PRKAA1: variants seen among roughly 807,000 people sequenced by gnomAD.
PRKAA1 encodes the protein 5'-AMP-activated protein kinase catalytic subunit alpha-1.
PRKAA1 carries 23 observed loss-of-function variants against 56.9 expected under a neutral mutation model. The ratio of observed to expected loss-of-function variants is 0.40; its 90% CI spans 0.29 to 0.57. The LOEUF is 0.57. Among genes scored for constraint, PRKAA1 ranks in the 20% least tolerant of loss-of-function variants. The pLI is 0.39. For synonymous variants in PRKAA1, 226 were observed against 227.0 expected, an observed-to-expected ratio of 1.00 and a Z score of 0.04; for missense variants, 413 against 679.7, an observed-to-expected ratio of 0.61 and a Z score of 4.36.
At chr5:40,788,903 A>G (rs1744605908) in intron 1 of PRKAA1, among the ~76,000 whole-genome samples, 1 of 152,080 alleles carries the variant, frequency 6.6e-6, no homozygotes, top group South Asian at 2.1e-4. Flanking sequence ...TTTACAAATC[A>G]TGCATCAGAT....
chr5:40,794,152 C>CT (rs944702164), intron 1 of PRKAA1, among the ~76,000 whole-genome samples: 46 of 151,558 alleles, frequency 3.0e-4, no homozygotes, highest in African/African-American at 1.1e-3. Context: ...TAAAATCTAT[C>CT]TACTGCTTTT....
chr5:40,777,211 C>G (rs1744050554), intron 2 of PRKAA1: 2 of 300,944 alleles, frequency 6.6e-6, no homozygotes, highest in African/African-American at 4.4e-5. Flanking sequence ...CAGGGTTTCA[C>G]CATGTTGGCC....
chr5:40,786,627 A>G (rs1744497269), intron 1 of PRKAA1, among the ~76,000 whole-genome samples: 1 of 151,560 alleles, frequency 6.6e-6, no homozygotes, highest in East Asian at 1.9e-4. Context: ...TACAATCTGA[A>G]GAAGAAAAAA....
intron 1 of PRKAA1, among the ~76,000 whole-genome samples, chr5:40,795,006 T>TACACACACACAC (rs1468122343): frequency 7.0e-4 from 98 of 139,944 alleles, no homozygotes; most frequent in African/African-American, 2.6e-3. Flanking sequence ...TATACATATA[T>TACACACACACAC]ATACACACAC....
In PRKAA1 at chr5:40,764,562, A is replaced by G. The variant is rs1350147490; in HGVS notation, c.1387T>C (p.Tyr463His). ...AGATAAGTTCTACTATCCACTTGGTATAACTGTAGACTCATTTTGGAGTAA... is the reference window on the plus strand; with the variant it reads ...AGATAAGTTCTACTATCCACTTGGTGTAACTGTAGACTCATTTTGGAGTAA... ...STYSKMSLQL[Y>H]QVDSRTYLLD... Residue 463 changes from tyrosine (Y) to histidine (H), a missense_variant, in exon 8 of 9, where the codon TAC becomes CAC. By Grantham distance (83) the Tyr-to-His change is moderately conservative. Coordinates refer to ENST00000397128, the MANE Select transcript of PRKAA1 (RefSeq NM_006251.6). The G allele has an allele frequency of 1.9e-6, 3 of 1,613,170 alleles. No individual in the cohort carries two copies. The highest frequency in any genetic ancestry group is 2.5e-6 in the Non-Finnish European group (3 of 1,179,462).
intron 1 of PRKAA1, among the ~76,000 whole-genome samples, chr5:40,785,835 CACACAGAGAGAGAGAGAGAGAGAG>C (rs1223051743): frequency 4.2e-5 from 6 of 142,016 alleles, no homozygotes; most frequent in Admixed American, 2.1e-4. Flanking sequence ...CACACACACA[CACACAGAGAGAGAGAGAGAGAGAG>C]AGAGAGAGAG....
chr5:40,795,004 T>C (rs189849450), intron 1 of PRKAA1, among the ~76,000 whole-genome samples: 189 of 137,590 alleles, frequency 1.4e-3, no homozygotes, highest in African/African-American at 4.2e-3. Flanking sequence ...TGTATACATA[T>C]ATATACACAC....
chr5:40,788,436 A>AT (rs1744584388), intron 1 of PRKAA1, among the ~76,000 whole-genome samples: 1 of 152,226 alleles, frequency 6.6e-6, no homozygotes. Flanking sequence ...GAGAAGCTCC[A>AT]TGACACAGGT....
chr5:40,769,125 G>C (rs1743605958), intron 5 of PRKAA1, among the ~76,000 whole-genome samples: 1 of 151,908 alleles, frequency 6.6e-6, no homozygotes, highest in Non-Finnish European at 1.5e-5. Flanking sequence ...CTAACTACTA[G>C]ATATTTCTGT....
intron 1 of PRKAA1, among the ~76,000 whole-genome samples, chr5:40,783,906 G>C (rs1233084891): frequency 2.0e-5 from 3 of 152,134 alleles, no homozygotes; most frequent in African/African-American, 7.2e-5. Flanking sequence ...AGATTTTATA[G>C]TCGCACAGAC....
At chr5:40,776,605 T>G (rs1385232853) in intron 2 of PRKAA1, among the ~76,000 whole-genome samples, 1 of 152,232 alleles carries the variant, frequency 6.6e-6, no homozygotes, top group Non-Finnish European at 1.5e-5. Flanking sequence ...ATCTTTAAGT[T>G]ATTGCCTGCA....
chr5:40,768,590 C>T, intron 5 of PRKAA1: 1 of 1,041,788 alleles, frequency 9.6e-7, no homozygotes, highest in Non-Finnish European at 1.2e-6. Flanking sequence ...TTACTCACAG[C>T]CATATTTTTA....
chr5:40,775,260 T>A, intron 3 of PRKAA1, 150 bp downstream of exon 3: 1 of 705,284 alleles, frequency 1.4e-6, no homozygotes. Flanking sequence ...TCCTTTCTAG[T>A]TCTACATAGT....
intron 1 of PRKAA1, among the ~76,000 whole-genome samples, chr5:40,791,475 T>C (rs926153417): frequency 3.9e-5 from 6 of 152,214 alleles, no homozygotes; most frequent in Non-Finnish European, 7.3e-5. Flanking sequence ...GGGAACTTTG[T>C]CTAACTGCAT....
intron 1 of PRKAA1, among the ~76,000 whole-genome samples, chr5:40,796,301 G>A (rs975004614): frequency 6.6e-6 from 1 of 151,572 alleles, no homozygotes; most frequent in Non-Finnish European, 1.5e-5. Context: ...CTGGGCAACA[G>A]AGCAAGACCC....
In PRKAA1 at chr5:40,795,004, T is replaced by TACACACACACACAC. The variant is rs776449388; in HGVS notation, c.127+3058_127+3059insGTGTGTGTGTGTGT. Among the ~76,000 whole-genome samples, 1,015 of 137,566 alleles carry TACACACACACACAC rather than the reference T, an allele frequency of 7.4e-3. 8 individuals are homozygous for TACACACACACACAC. Among genetic ancestry groups the TACACACACACACAC allele is most frequent in the Non-Finnish European group, 9.9e-3 (650 of 65,506 alleles). The allele number at this position is 137,566 out of a possible 152,430, so 90.2% of individuals were successfully genotyped here. ...ATAAAGAAACTGTGGTGTATACATA[T>TACACACACACACAC]ATATACACACACACACACACACACA... On this transcript the variant is annotated intron_variant, in intron 1 of 8. Transcript: ENST00000397128.
rs78325325 is a variant in PRKAA1, at chr5:40,770,842, C to T, written c.508+877G>A. Among the ~76,000 whole-genome samples the T allele has an allele frequency of 1.1e-3, 163 of 151,968 alleles. 1 individual carries two copies. Among genetic ancestry groups the T allele is most frequent in the Admixed American group, 6.5e-3 (100 of 15,282 alleles). Reference sequence around the variant, plus strand: ...CTGACCTCAGGTGATCCGCCCGCCTCGGCCTCCCAAAATGCTGGGATTACA... The same window carrying T: ...CTGACCTCAGGTGATCCGCCCGCCTTGGCCTCCCAAAATGCTGGGATTACA... On this transcript the variant is annotated intron_variant, in intron 4 of 8. Transcript: ENST00000397128.
intron 1 of PRKAA1, among the ~76,000 whole-genome samples, chr5:40,777,949 C>T (rs1744093543): frequency 6.6e-6 from 1 of 152,214 alleles, no homozygotes; most frequent in African/African-American, 2.4e-5. Context: ...TGGTACACAG[C>T]TGTAATCCCA....
At chr5:40,793,832 G>T (rs1744814277) in intron 1 of PRKAA1, among the ~76,000 whole-genome samples, 1 of 152,160 alleles carries the variant, frequency 6.6e-6, no homozygotes, top group African/African-American at 2.4e-5. Flanking sequence ...CCAGCACGGT[G>T]GTTCAGGCCT....
Sources: gnomAD v4.1 joint callset for allele counts (sites outside exome capture counted in the v4.1 genomes callset) on GRCh38, gnomAD v4.1.1 for gene constraint, MANE v1.5 for transcripts, NCBI Gene and HGNC (gene_info 2026-07-23, HGNC 2026-07-21) for gene names.